ATP9B: variants seen among roughly 807,000 people sequenced by gnomAD.
ATP9B encodes ATPase phospholipid transporting 9B.
ATP9B carries 110 observed loss-of-function variants against 146.1 expected under a neutral mutation model. That is an observed-to-expected ratio of 0.75 (90% CI 0.65 to 0.88). The LOEUF (loss-of-function observed/expected upper bound fraction) is 0.88, where lower values mean the gene tolerates loss of function less well. ATP9B is among the 40% of genes least tolerant of loss of function. The pLI is 0.00. For missense variants in ATP9B, 1,499 were observed against 1,496.4 expected (o/e 1.00, Z -0.03); for synonymous variants, 604 against 569.7 (o/e 1.06, Z -0.86).
intron 4 of ATP9B, among the ~76,000 whole-genome samples, chr18:79,119,526 A>G (rs1287966182): frequency 6.6e-6 from 1 of 152,238 alleles, no homozygotes; most frequent in Non-Finnish European, 1.5e-5. Flanking sequence ...TCAATAAGCA[A>G]CTACTTCAAT....
At chr18:79,156,070 TC>T in intron 7 of ATP9B, among the ~76,000 whole-genome samples, 1 of 152,302 alleles carries the variant, frequency 6.6e-6, no homozygotes. Context: ...CCAAATGTTT[TC>T]TCTTTCTACC....
intron 6 of ATP9B, among the ~76,000 whole-genome samples, chr18:79,153,251 C>T (rs773466118): frequency 2.4e-4 from 37 of 152,090 alleles, no homozygotes; most frequent in Non-Finnish European, 4.9e-4. Flanking sequence ...ATTCTTAATA[C>T]AATTATATAT....
In ATP9B at chr18:79,348,260, AAAAAAAAAAC is replaced by A. The variant is rs1423548258; in HGVS notation, c.2903+71_2903+80del. On this transcript the variant is annotated intron_variant, in intron 25 of 29. Transcript: ENST00000426216. ...GGACTTCTATTTTGAAAAAAAAAAA[AAAAAAAAAAC>A]AAAAAACGTATATAGAAGATTCTTG... The A allele has an allele frequency of 2.2e-5, 29 of 1,346,342 alleles. No homozygotes were observed. The African/African-American group carries it at 3.7e-4, about 17-fold the overall frequency. 83.4% of individuals were successfully genotyped at this position (1,346,342 alleles called of 1,614,324 possible).
intron 8 of ATP9B, among the ~76,000 whole-genome samples, chr18:79,192,348 G>T (rs563883599): frequency 1.8e-4 from 28 of 152,094 alleles, no homozygotes; most frequent in Non-Finnish European, 3.7e-4. Context: ...GGGTTGGGGG[G>T]CGGGTCACAA....
chr18:79,293,566 A>C (rs947114082), intron 13 of ATP9B, among the ~76,000 whole-genome samples: 3 of 152,320 alleles, frequency 2.0e-5, no homozygotes, highest in East Asian at 3.9e-4. Context: ...GAGAGTCCCC[A>C]CCAGCAGAAA....
chr18:79,267,913 TC>T (rs2145482527), intron 12 of ATP9B, among the ~76,000 whole-genome samples: 1 of 152,258 alleles, frequency 6.6e-6, no homozygotes, highest in African/African-American at 2.4e-5. Context: ...AGGGTTTTTC[TC>T]TTTCATAAAA....
At chr18:79,312,909 G>A (rs776797976) in intron 15 of ATP9B, among the ~76,000 whole-genome samples, 7 of 152,194 alleles carry the variant, frequency 4.6e-5, no homozygotes, top group African/African-American at 7.2e-5. Flanking sequence ...TGAAAATTGG[G>A]ATCAGTTGAA....
chr18:79,222,560 T>C (rs1243888371), intron 11 of ATP9B, among the ~76,000 whole-genome samples: 1 of 152,128 alleles, frequency 6.6e-6, no homozygotes, highest in African/African-American at 2.4e-5. Context: ...CCCTGGACTT[T>C]CAAAAAATGC....
chr18:79,316,469 A>G (rs1024835453), intron 15 of ATP9B, among the ~76,000 whole-genome samples: 6 of 152,102 alleles, frequency 3.9e-5, no homozygotes, highest in African/African-American at 1.4e-4. Context: ...GGCAGCTAAC[A>G]TGTTTAGTAT....
At chr18:79,317,659 A>G (rs551909466) in intron 15 of ATP9B, among the ~76,000 whole-genome samples, 2 of 152,374 alleles carry the variant, frequency 1.3e-5, no homozygotes, top group African/African-American at 4.8e-5. Context: ...AGGTCCTTAG[A>G]GTACAGGTAA....
intron 13 of ATP9B, among the ~76,000 whole-genome samples, chr18:79,296,113 G>A (rs757872150): frequency 2.0e-5 from 3 of 152,116 alleles, no homozygotes; most frequent in South Asian, 2.1e-4. Flanking sequence ...ACTCCTGAGC[G>A]CAGTCCATCT....
chr18:79,085,996 A>C (rs2073786295), intron 1 of ATP9B: 1 of 150,864 alleles, frequency 6.6e-6, no homozygotes, highest in Non-Finnish European at 1.5e-5. Flanking sequence ...AATGAAACTT[A>C]TTTTGCTGTG....
intron 5 of ATP9B, among the ~76,000 whole-genome samples, chr18:79,128,527 T>C (rs1236319566): frequency 6.6e-6 from 1 of 152,098 alleles, no homozygotes; most frequent in Non-Finnish European, 1.5e-5. Context: ...CGAATGGTGG[T>C]GTGGTGGAGG....
chr18:79,310,364 A>G (rs1211761155), intron 15 of ATP9B, among the ~76,000 whole-genome samples: 1 of 152,252 alleles, frequency 6.6e-6, no homozygotes, highest in Non-Finnish European at 1.5e-5. Context: ...AAATTGCCTT[A>G]TGAGTAATAA....
At chr18:79,221,838 C>A (rs1600610677) in intron 11 of ATP9B, among the ~76,000 whole-genome samples, 1 of 136,144 alleles carries the variant, frequency 7.3e-6, no homozygotes. Flanking sequence ...ACTTCTAGTT[C>A]TCCTCAGCTA....
intron 9 of ATP9B, among the ~76,000 whole-genome samples, chr18:79,200,779 A>AGGCGGAGGTGGGAACGTCGGGGTCAG (rs2095475928): frequency 3.5e-5 from 1 of 28,516 alleles, no homozygotes; most frequent in African/African-American, 1.4e-4. Flanking sequence ...GTCAGAGCAG[A>AGGCGGAGGTGGGAACGTCGGGGTCAG]AGTAGTGGTG....
chr18:79,323,921 C>T (rs1021372366), intron 15 of ATP9B, among the ~76,000 whole-genome samples: 11 of 152,216 alleles, frequency 7.2e-5, no homozygotes, highest in African/African-American at 2.4e-4. Context: ...TTCCCGACAA[C>T]AGTGCTCCCT....
chr18:79,257,300 T>C (rs1394742785), intron 12 of ATP9B, among the ~76,000 whole-genome samples: 1 of 152,012 alleles, frequency 6.6e-6, no homozygotes, highest in Admixed American at 6.6e-5. Flanking sequence ...CAAAACTCTG[T>C]CTCAAAAAAA....
intron 1 of ATP9B, among the ~76,000 whole-genome samples, chr18:79,084,262 C>T (rs947289775): frequency 5.3e-5 from 8 of 152,034 alleles, no homozygotes; most frequent in South Asian, 2.1e-4. Context: ...TTGGGTACCC[C>T]GGGTATGAGT....
Sources: allele counts gnomAD v4.1 joint callset (sites outside exome capture counted in the v4.1 genomes callset), GRCh38; gene constraint gnomAD v4.1.1; transcripts MANE v1.5; gene names NCBI Gene and HGNC (gene_info 2026-07-23, HGNC 2026-07-21).